The following SIPA1L3 variants were observed in gnomAD, a reference collection of about 807,000 sequenced individuals.
The protein encoded by SIPA1L3 is signal induced proliferation associated 1 like 3.
In SIPA1L3, 59 loss-of-function variants were observed where a neutral mutation model predicts 150.1. That is an observed-to-expected ratio of 0.39 (90% CI 0.32 to 0.49). The LOEUF is 0.49. Ranked by LOEUF, SIPA1L3 falls within the 20% of genes least tolerant of loss-of-function variation. The probability of loss-of-function intolerance (pLI) is 0.86; values close to 1 mark genes in which losing one functional copy is unlikely to be tolerated. For missense variants in SIPA1L3, 2,211 were observed against 2,489.5 expected (o/e 0.89, Z 2.38); for synonymous variants, 1,070 against 1,077.6 (o/e 0.99, Z 0.14).
chr19:38,040,511 T>G (rs968746710), intron 2 of SIPA1L3, among the ~76,000 whole-genome samples: 3 of 152,174 alleles, frequency 2.0e-5, no homozygotes, highest in African/African-American at 7.2e-5. Flanking sequence ...ATAAAAGTGG[T>G]TATATAATCG....
chr19:38,008,217 C>CTTTTTTTTT (rs35422339), intron 1 of SIPA1L3, among the ~76,000 whole-genome samples: 1 of 50,126 alleles, frequency 2.0e-5, no homozygotes, highest in Non-Finnish European at 3.6e-5. Context: ...CCATAGGCTG[C>CTTTTTTTTT]TTTTTTTTTT....
At chr19:37,975,279 G>A (rs1274654560) in intron 1 of SIPA1L3, among the ~76,000 whole-genome samples, 1 of 152,186 alleles carries the variant, frequency 6.6e-6, no homozygotes, top group Non-Finnish European at 1.5e-5. Context: ...CCTGACCCGG[G>A]GACCAGGAAG....
intron 1 of SIPA1L3, among the ~76,000 whole-genome samples, chr19:38,000,743 C>G (rs1461651336): frequency 6.7e-6 from 1 of 148,352 alleles, no homozygotes; most frequent in African/African-American, 2.5e-5. Context: ...TGTCTCTTCC[C>G]CACTTCTCTA....
Position 38,207,708 on chromosome 19 carries a change from C to T in SIPA1L3, c.*1468C>T, listed in dbSNP as rs534194472. The T allele has an allele frequency of 2.3e-4, 35 of 152,350 alleles. No individual in the cohort carries two copies. The highest frequency in any genetic ancestry group is 8.4e-4 in the African/African-American group (35 of 41,558). The allele number at this position is 152,350 out of a possible 1,614,324, so 9.4% of individuals were successfully genotyped here. A position where few individuals can be genotyped will look rare whatever the true frequency, so the allele number is the denominator to read the frequency against. On this transcript the variant is annotated 3_prime_UTR_variant, in exon 22 of 22. Transcript: ENST00000222345. ...TGTCCAGGGACCTCTGCTGCCTTCT[C>T]TCTGGGGTCAGGAACCTCAGAGGAG...
intron 2 of SIPA1L3, among the ~76,000 whole-genome samples, chr19:38,043,358 G>T (rs1164544048): frequency 1.3e-5 from 2 of 151,948 alleles, no homozygotes; most frequent in Non-Finnish European, 1.5e-5. Flanking sequence ...TAAATAGTTA[G>T]ATGGAAAGAA....
chr19:37,992,060 T>TCCTTGTGGGAGGCAGTGTCA (rs6146521), intron 1 of SIPA1L3, among the ~76,000 whole-genome samples: 3 of 151,918 alleles, frequency 2.0e-5, no homozygotes, highest in Non-Finnish European at 4.4e-5. Flanking sequence ...CAGACAGGCA[T>TCCTTGTGGGAGGCAGTGTCA]CCACGTGGCT....
intron 2 of SIPA1L3, among the ~76,000 whole-genome samples, chr19:38,064,807 G>A (rs1286261672): frequency 6.6e-6 from 1 of 152,214 alleles, no homozygotes; most frequent in Non-Finnish European, 1.5e-5. Context: ...TAAGAGTTAA[G>A]CTGTATTATT....
At chr19:38,171,140 G>T (rs1972319167) in intron 15 of SIPA1L3, among the ~76,000 whole-genome samples, 1 of 152,072 alleles carries the variant, frequency 6.6e-6, no homozygotes, top group Admixed American at 6.5e-5. Context: ...GAAAGATGAG[G>T]CGTGGAGAAA....
chr19:37,942,477 G>A (rs1054408109), intron 1 of SIPA1L3, among the ~76,000 whole-genome samples: 3 of 147,516 alleles, frequency 2.0e-5, no homozygotes, highest in Non-Finnish European at 4.5e-5. Context: ...AGGTGCAAAG[G>A]CGCTGAGGCT....
chr19:38,063,646 G>A (rs1341757966), intron 2 of SIPA1L3, among the ~76,000 whole-genome samples: 4 of 152,200 alleles, frequency 2.6e-5, no homozygotes, highest in Non-Finnish European at 4.4e-5. Context: ...GGCCACAGGA[G>A]TGAGCCCTGG....
At chr19:38,102,107 C>G (rs1343804004) in intron 6 of SIPA1L3, among the ~76,000 whole-genome samples, 2 of 146,264 alleles carry the variant, frequency 1.4e-5, no homozygotes, top group African/African-American at 5.1e-5. Flanking sequence ...AGTGCAGTGG[C>G]GCAATCTCAG....
chr19:37,979,096 T>C (rs964656626), intron 1 of SIPA1L3, among the ~76,000 whole-genome samples: 1 of 152,078 alleles, frequency 6.6e-6, no homozygotes, highest in Non-Finnish European at 1.5e-5. Context: ...TCTATAAACA[T>C]GGCAGCTGGG....
intron 10 of SIPA1L3, among the ~76,000 whole-genome samples, chr19:38,136,184 A>AAAAT (rs1491365487): frequency 1.8e-4 from 12 of 66,602 alleles, no homozygotes; most frequent in African/African-American, 4.8e-4. Context: ...AGACTGTCTC[A>AAAAT]AAAAAAAAAA....
chr19:38,064,419 G>A (rs555081279), intron 2 of SIPA1L3, among the ~76,000 whole-genome samples: 2 of 152,328 alleles, frequency 1.3e-5, no homozygotes, highest in African/African-American at 2.4e-5. Flanking sequence ...AATGAAGGCC[G>A]GGCACAGTGG....
intron 3 of SIPA1L3, among the ~76,000 whole-genome samples, chr19:38,088,282 T>C (rs1485603224): frequency 2.0e-5 from 3 of 152,262 alleles, no homozygotes; most frequent in African/African-American, 7.2e-5. Flanking sequence ...GGAGGCTCTC[T>C]AGAATCTTTC....
At chr19:37,909,219 T>G (rs1440054078) in intron 1 of SIPA1L3, among the ~76,000 whole-genome samples, 1 of 152,190 alleles carries the variant, frequency 6.6e-6, no homozygotes, top group Non-Finnish European at 1.5e-5. Flanking sequence ...AAAGTTCCCC[T>G]CAGCTTGAGA....
intron 8 of SIPA1L3, among the ~76,000 whole-genome samples, chr19:38,116,763 A>C (rs1289851184): frequency 6.6e-6 from 1 of 152,062 alleles, no homozygotes; most frequent in African/African-American, 2.4e-5. Flanking sequence ...CTGAGGTGGG[A>C]GAATTGACTG....
At chr19:38,048,822 G>A (rs905582499) in intron 2 of SIPA1L3, among the ~76,000 whole-genome samples, 24 of 152,154 alleles carry the variant, frequency 1.6e-4, no homozygotes, top group African/African-American at 5.8e-4. Flanking sequence ...TGGGCGCGGT[G>A]GCTCACACCT....
At chr19:38,138,845 C>G (rs1971497338) in intron 10 of SIPA1L3, among the ~76,000 whole-genome samples, 1 of 148,142 alleles carries the variant, frequency 6.8e-6, no homozygotes, top group African/African-American at 2.5e-5. Context: ...TTGCAGTGAG[C>G]CGAGATCGCA....
Sources: gnomAD v4.1 joint callset for allele counts (sites outside exome capture counted in the v4.1 genomes callset) on GRCh38, gnomAD v4.1.1 for gene constraint, MANE v1.5 for transcripts, NCBI Gene and HGNC (gene_info 2026-07-23, HGNC 2026-07-21) for gene names.